The following RFX1 variants were observed in gnomAD, a reference collection of about 807,000 sequenced individuals.
The protein encoded by RFX1 is MHC class II regulatory factor RFX1.
RFX1 carries 42 observed loss-of-function variants against 119.6 expected under a neutral mutation model. The observed-to-expected ratio is 0.35, with a 90% CI of 0.27 to 0.45. The LOEUF is 0.45. Among genes scored for constraint, RFX1 ranks in the 20% least tolerant of loss-of-function variants. The probability of loss-of-function intolerance (pLI) is 1.00; values close to 1 mark genes in which losing one functional copy is unlikely to be tolerated. For missense variants in RFX1, 1,118 were observed against 1,368.1 expected, an observed-to-expected ratio of 0.82 and a Z score of 2.88; for synonymous variants, 628 against 618.5, an observed-to-expected ratio of 1.02 and a Z score of -0.23.
chr19:13,964,528 C>T (rs1973831734), intron 16 of RFX1, among the ~76,000 whole-genome samples: 1 of 152,152 alleles, frequency 6.6e-6, no homozygotes, highest in Non-Finnish European at 1.5e-5. Flanking sequence ...TCTATCCAGG[C>T]TAGAGTGCAG....
chr19:13,992,780 T>C (rs540994354), intron 2 of RFX1, among the ~76,000 whole-genome samples: 25 of 152,334 alleles, frequency 1.6e-4, no homozygotes, highest in African/African-American at 5.8e-4. Flanking sequence ...ATGCAAACTT[T>C]GATGCCACTG....
rs369357261 is a variant in RFX1, at chr19:13,979,393, C to G, written c.834+54G>C. The G allele has an allele frequency of 7.6e-5, 102 of 1,335,210 alleles. 4 individuals carry two copies. In the East Asian group the frequency reaches 8.6e-4, roughly 11 times the overall value. 82.7% of individuals were successfully genotyped at this position (1,335,210 alleles called of 1,614,324 possible). On this transcript the variant is annotated intron_variant, in intron 7 of 20. Transcript: ENST00000254325. The stretch of plus-strand genomic sequence containing the variant: ...GGCCTCAGGGGCCTGCACTCCCCAG[C>G]CCCAGCCCGGGACCAGCCCCTTTGC...
chr19:13,994,928 A>ATG (rs1974954466), intron 1 of RFX1, among the ~76,000 whole-genome samples: 1 of 117,346 alleles, frequency 8.5e-6, no homozygotes, highest in East Asian at 2.3e-4. Flanking sequence ...ATATATATAT[A>ATG]TATATATATA....
intron 2 of RFX1, among the ~76,000 whole-genome samples, chr19:13,989,296 GGCA>G (rs1974719667): frequency 6.6e-6 from 1 of 152,234 alleles, no homozygotes; most frequent in Admixed American, 6.5e-5. Context: ...CTGGGAGGCT[GGCA>G]GGCCAGAGTT....
chr19:13,965,428 G>A lies in RFX1; in HGVS notation c.2211+21C>T, dbSNP rs1408946487. 7 of 1,605,774 alleles carry A rather than the reference G, an allele frequency of 4.4e-6. No individual in the cohort carries two copies. The highest frequency in any genetic ancestry group is 3.4e-6 in the Non-Finnish European group (4 of 1,173,200). On this transcript the variant is annotated intron_variant, in intron 16 of 20. Transcript: ENST00000254325. The surrounding 1 kb of genome is among the most constrained non-coding windows in gnomAD (Gnocchi z 4.7). ...GCCTAAGCCCCAGAGATAGGAGAAA[G>A]GGACCCCCTCACACTCTCACCTTCA... is the stretch of plus-strand genomic sequence containing the variant.
Position 13,972,893 on chromosome 19 carries a change from G to T in RFX1, c.1164C>A (p.Gly388=). ...NSSGGGGSGG[G]GGGGGGGGGG... The stretch of plus-strand genomic sequence containing the variant: ...CGCCACCGCCTCCCCCGCCGCCGCC[G>T]CCACCACCACTGCCACCACCTCCGC... Residue 388 remains glycine, a synonymous_variant, in exon 9 of 21, where the codon GGC becomes GGA. Coordinates refer to ENST00000254325, the MANE Select transcript of RFX1 (RefSeq NM_002918.5). The T allele has an allele frequency of 6.4e-7, 1 of 1,574,228 alleles. No homozygotes were observed.
intron 9 of RFX1, among the ~76,000 whole-genome samples, chr19:13,972,440 C>G (rs559845249): frequency 6.6e-6 from 1 of 152,136 alleles, no homozygotes; most frequent in Non-Finnish European, 1.5e-5. Flanking sequence ...GTGATCCACC[C>G]ACTTCAGTCT....
In RFX1 at chr19:13,974,801, T is replaced by A. The variant is rs145755447; in HGVS notation, c.930-1674A>T. Among the ~76,000 whole-genome samples, 399 of 152,208 alleles carry A rather than the reference T, an allele frequency of 2.6e-3. 2 individuals carry two copies. The highest frequency in any genetic ancestry group is 9.1e-3 in the African/African-American group (378 of 41,516). On this transcript the variant is annotated intron_variant, in intron 8 of 20. Coordinates refer to ENST00000254325, the MANE Select transcript of RFX1 (RefSeq NM_002918.5). Reference sequence around the variant, plus strand: ...GTAATCACACCTGTAATCCCAGCACTTTGGGAGGACGAGGCGGGTGGATCA... The same window carrying A: ...GTAATCACACCTGTAATCCCAGCACATTGGGAGGACGAGGCGGGTGGATCA...
chr19:14,006,191 C>G lies in RFX1; in HGVS notation c.-141G>C, dbSNP rs1448618706. 6.6e-6 allele frequency: 1 copy of G among 152,008 alleles called. No individual in the cohort carries two copies. Among genetic ancestry groups the G allele is most frequent in the African/African-American group, 2.4e-5 (1 of 41,374 alleles). 9.4% of individuals were successfully genotyped at this position (152,008 alleles called of 1,614,324 possible). On this transcript the variant is annotated 5_prime_UTR_variant, in exon 1 of 21. Transcript: ENST00000254325. ...AAGGGGACGGGACGTGCTGGGGTCCCCGGGCCGGGCCTGGGGGGTGGGGGT... is the reference window on the plus strand; with the variant it reads ...AAGGGGACGGGACGTGCTGGGGTCCGCGGGCCGGGCCTGGGGGGTGGGGGT...
intron 4 of RFX1, 97 bp from the exon 5 acceptor site, chr19:13,982,325 T>A: frequency 1.7e-6 from 1 of 584,830 alleles, no homozygotes; most frequent in African/African-American, 1.9e-5. Flanking sequence ...TCTAAGTGCT[T>A]CACGCCTGTT....
chr19:13,963,057 G>A lies in RFX1; in HGVS notation c.2725-18C>T, dbSNP rs770917280. On this transcript the variant is annotated intron_variant, in intron 19 of 20. Coordinates refer to ENST00000254325, the MANE Select transcript of RFX1 (RefSeq NM_002918.5). ...TTGGCGAACTGGAGGAAGAAGAGAAGAAAATGGGTGAGGGTCCCGCCGCCT... is the reference window on the plus strand; with the variant it reads ...TTGGCGAACTGGAGGAAGAAGAGAAAAAAATGGGTGAGGGTCCCGCCGCCT... 1 of 1,582,304 alleles carries A rather than the reference G, an allele frequency of 6.3e-7. No homozygotes were observed. The highest frequency in any genetic ancestry group is 1.3e-5 in the African/African-American group (1 of 74,342).
chr19:13,968,764 T>C lies in RFX1; in HGVS notation c.1616+11A>G, dbSNP rs1973983428. 2.5e-6 allele frequency: 4 copies of C among 1,604,140 alleles called. No homozygotes were observed. The highest frequency in any genetic ancestry group is 3.4e-6 in the Non-Finnish European group (4 of 1,175,698). Reference sequence around the variant, plus strand: ...GCCTGCCCTGCCCTGGGTCCGGCCCTGCCTTCCTACCTCTGCTTCTGCGAG... The same window carrying C: ...GCCTGCCCTGCCCTGGGTCCGGCCCCGCCTTCCTACCTCTGCTTCTGCGAG... On this transcript the variant is annotated intron_variant, in intron 11 of 20. Transcript: ENST00000254325. The surrounding 1 kb of genome is among the most constrained non-coding windows in gnomAD (Gnocchi z 5.5).
intron 1 of RFX1, among the ~76,000 whole-genome samples, chr19:13,999,076 G>T (rs966501110): frequency 6.6e-6 from 1 of 152,190 alleles, no homozygotes; most frequent in African/African-American, 2.4e-5. Flanking sequence ...ACAATTATTT[G>T]ACCAAAGAGC....
chr19:13,969,910 G>A lies in RFX1; in HGVS notation c.1496+84C>T. Reference sequence around the variant, plus strand: ...CGGCGGGACTGGGCTGGACTGGACTGCCTGAGATGACTCGGAGTGGGGGTG... The same window carrying A: ...CGGCGGGACTGGGCTGGACTGGACTACCTGAGATGACTCGGAGTGGGGGTG... On this transcript the variant is annotated intron_variant, in intron 10 of 20. Transcript: ENST00000254325. The surrounding 1 kb of genome is among the most constrained non-coding windows in gnomAD (Gnocchi z 4.5). 1.4e-6 allele frequency: 2 copies of A among 1,402,554 alleles called. No homozygotes were observed. Among genetic ancestry groups the A allele is most frequent in the Non-Finnish European group, 1.9e-6 (2 of 1,033,352 alleles). 86.9% of individuals were successfully genotyped at this position (1,402,554 alleles called of 1,614,324 possible). A position where few individuals can be genotyped will look rare whatever the true frequency, so the allele number is the denominator to read the frequency against.
intron 12 of RFX1, among the ~76,000 whole-genome samples, chr19:13,967,338 CTT>C (rs1238515938): frequency 6.6e-6 from 1 of 151,466 alleles, no homozygotes; most frequent in South Asian, 2.1e-4. Context: ...TTGTTGTTTA[CTT>C]TGTCTTTTTT....
At position 13,972,030 on chromosome 19, in the gene RFX1, A is replaced by G. The variant is rs143546443; in HGVS notation, c.1314+713T>C. 3.8e-3 allele frequency among the ~76,000 whole-genome samples: 584 copies of G among 152,066 alleles called. 4 individuals are homozygous for G. Among genetic ancestry groups the G allele is most frequent in the African/African-American group, 0.013 (551 of 41,488 alleles). ...AAACAAACAAAAAAATTAGCCGGAC[A>G]TGGTGCGGCATGCCTGTAGTCCCAG... On this transcript the variant is annotated intron_variant, in intron 9 of 20. Transcript: ENST00000254325.
intron 1 of RFX1, among the ~76,000 whole-genome samples, chr19:14,005,460 G>A (rs1391746461): frequency 6.6e-5 from 10 of 152,204 alleles, no homozygotes; most frequent in African/African-American, 2.2e-4. Flanking sequence ...CGAGGAAAAG[G>A]TTCAAAGATA....
Position 13,966,390 on chromosome 19 carries a change from C to G in RFX1, c.1961+31G>C, listed in dbSNP as rs1262607546. The G allele has an allele frequency of 7.6e-6, 11 of 1,447,418 alleles. No individual in the cohort carries two copies. Among genetic ancestry groups the G allele is most frequent in the African/African-American group, 1.4e-5 (1 of 71,548 alleles). 89.7% of individuals were successfully genotyped at this position (1,447,418 alleles called of 1,614,324 possible). A position where few individuals can be genotyped will look rare whatever the true frequency, so the allele number is the denominator to read the frequency against. The stretch of plus-strand genomic sequence containing the variant: ...TGCGGGTCATGCCCTCCTCCCCCCT[C>G]TCCCTCCCACAGTCGCCGGGCAGTA... On this transcript the variant is annotated intron_variant, in intron 14 of 20. Transcript: ENST00000254325. The surrounding 1 kb of genome is among the most constrained non-coding windows in gnomAD (Gnocchi z 6.3).
At chr19:13,976,820 G>A (rs561531024) in intron 8 of RFX1, among the ~76,000 whole-genome samples, 21 of 152,004 alleles carry the variant, frequency 1.4e-4, no homozygotes, top group African/African-American at 4.3e-4. Context: ...CCTGGGCAAC[G>A]TGGCAAAACC....
Sources: gnomAD v4.1 joint callset for allele counts (sites outside exome capture counted in the v4.1 genomes callset) on GRCh38, gnomAD v4.1.1 for gene constraint, Gnocchi (gnomAD v3.1) non-coding constraint, MANE v1.5 for transcripts, NCBI Gene and HGNC (gene_info 2026-07-23, HGNC 2026-07-21) for gene names.